The following ZNF33A variants were observed in gnomAD, a reference collection of about 807,000 sequenced individuals.
ZNF33A encodes zinc finger protein 33A.
A neutral mutation model predicts 15.9 loss-of-function variants in ZNF33A; 9 were observed. The ratio of observed to expected loss-of-function variants is 0.57; its 90% CI spans 0.34 to 0.99. The LOEUF (loss-of-function observed/expected upper bound fraction) is 0.99. Ranked by LOEUF, ZNF33A falls within the 50% of genes least tolerant of loss-of-function variation. The pLI, the probability that ZNF33A is intolerant of heterozygous loss-of-function variation, is 0.02. For missense variants in ZNF33A, 843 were observed against 941.6 expected (o/e 0.90, Z 1.37); for synonymous variants, 294 against 324.2 (o/e 0.91, Z 1.00).
Position 38,060,047 on chromosome 10 carries a change from A to G in ZNF33A, c.*3487A>G. On this transcript the variant is annotated 3_prime_UTR_variant, in exon 5 of 5. Coordinates refer to ENST00000432900, the MANE Select transcript of ZNF33A (RefSeq NM_006954.2). The stretch of plus-strand genomic sequence containing the variant: ...AGTGTATCAAGTAAATAAATAACCA[A>G]CCAACCAACCCTGAGGAACATCTTG... The G allele has an allele frequency of 1.3e-5, 13 of 985,348 alleles. No homozygotes were observed. Among genetic ancestry groups the G allele is most frequent in the Non-Finnish European group, 1.6e-5 (13 of 829,892 alleles). The allele number at this position is 985,348 out of a possible 1,614,324, so 61.0% of individuals were successfully genotyped here. A position where few individuals can be genotyped will look rare whatever the true frequency, so the allele number is the denominator to read the frequency against.
chr10:38,063,980 G>T, downstream of ZNF33A: 1 of 1,044,504 alleles, frequency 9.6e-7, no homozygotes, highest in Non-Finnish European at 1.4e-6. Flanking sequence ...GCAGGACAGT[G>T]CATTCTGTAG....
In ZNF33A at chr10:38,056,242, A is replaced by T. The variant is rs1452416443; in HGVS notation, c.2118A>T (p.Ser706=). 1.9e-5 allele frequency: 30 copies of T among 1,614,036 alleles called. No individual in the cohort carries two copies. The highest frequency in any genetic ancestry group is 2.5e-5 in the Non-Finnish European group (30 of 1,180,000). The change falls in exon 5 of 5, where the codon TCA becomes TCT. Residue 706 remains serine, a synonymous_variant. Transcript: ENST00000432900. ...NECGKFFRHK[S]SLTVHHRAHT... ...GTGGGAAATTCTTCAGGCACAAATC[A>T]TCACTCACAGTACATCACAGGGCTC...
At chr10:38,046,748 A>C (rs1488808395) in intron 4 of ZNF33A, among the ~76,000 whole-genome samples, 1 of 152,234 alleles carries the variant, frequency 6.6e-6, no homozygotes. Flanking sequence ...TGAAAATAGT[A>C]TTATAATTGG....
chr10:38,010,588 G>C (rs749716877), upstream of ZNF33A: 3 of 979,592 alleles, frequency 3.1e-6, no homozygotes, highest in South Asian at 1.3e-5. Context: ...CCGGCCTCAC[G>C]GGAAAGGTAG....
downstream of ZNF33A, chr10:38,064,008 A>G (rs1222222889): frequency 1.5e-6 from 2 of 1,341,398 alleles, no homozygotes; most frequent in Non-Finnish European, 2.1e-6. Flanking sequence ...GGAAGAAAAG[A>G]GGGCTTTCAG....
rs368288002 is a variant in ZNF33A at position 38,055,479 on chromosome 10, T to C, written c.1355T>C (p.Val452Ala). 5 of 1,612,692 alleles carry C rather than the reference T, an allele frequency of 3.1e-6. No individual in the cohort carries two copies. In the African/African-American group the frequency reaches 5.4e-5, roughly 17 times the overall value. ...ECYECGKSFRVTSHLKVHQRT... is the reference protein window; with the variant it reads ...ECYECGKSFRATSHLKVHQRT... ...TATGAATGTGGAAAATCCTTCCGTGTGACTTCGCACCTTAAAGTACACCAG... is the reference window on the plus strand; with the variant it reads ...TATGAATGTGGAAAATCCTTCCGTGCGACTTCGCACCTTAAAGTACACCAG... The change falls in exon 5 of 5, where the codon GTG (valine) becomes GCG (alanine). Residue 452 changes from valine to alanine, a missense_variant. Physicochemically the swap from Val to Ala is moderately conservative, Grantham distance 64 (BLOSUM62 0). Transcript: ENST00000432900.
Position 38,014,821 on chromosome 10 carries a change from T to C in ZNF33A, c.10-2050T>C, listed in dbSNP as rs138017121. Among the ~76,000 whole-genome samples the C allele has an allele frequency of 1.2e-4, 18 of 152,332 alleles. No individual in the cohort carries two copies. The East Asian group carries it at 3.5e-3, about 29-fold the overall frequency. The stretch of plus-strand genomic sequence containing the variant: ...TCCATACAAATATTGTTAGTATTAA[T>C]AAAATAACTTGCTGAGACTTTCTTT... On this transcript the variant is annotated intron_variant, in intron 2 of 4. Coordinates refer to ENST00000432900, the MANE Select transcript of ZNF33A (RefSeq NM_006954.2).
chr10:38,010,664 G>T (rs758255739), upstream of ZNF33A: 1 of 1,576,394 alleles, frequency 6.3e-7, no homozygotes, highest in South Asian at 1.1e-5. Flanking sequence ...TCGTCCGCCG[G>T]CTACGTCTGC....
At chr10:38,043,106 C>G (rs1409932707) in intron 4 of ZNF33A, among the ~76,000 whole-genome samples, 1 of 152,028 alleles carries the variant, frequency 6.6e-6, no homozygotes, top group Non-Finnish European at 1.5e-5. Flanking sequence ...GCAATGGATT[C>G]TCAAGTTTTT....
chr10:38,055,379 G>A lies in ZNF33A; in HGVS notation c.1255G>A (p.Gly419Arg), dbSNP rs755631459. 4.3e-6 allele frequency: 7 copies of A among 1,614,032 alleles called. No individual in the cohort carries two copies. The East Asian group carries it at 1.6e-4, about 36-fold the overall frequency. The change falls in exon 5 of 5, where the codon GGG (glycine) becomes AGG (arginine). Residue 419 changes from glycine (G) to arginine (R), a missense_variant. Transcript: ENST00000432900. ...GEKPYQCNAC[G>R]KTFCQKSDLT... is the part of the protein sequence containing the mutation. ...GAAACCCTATCAATGTAATGCGTGT[G>A]GGAAAACTTTTTGCCAGAAATCTGA...
chr10:38,032,404 T>C (rs949594523), intron 4 of ZNF33A, among the ~76,000 whole-genome samples: 1 of 151,938 alleles, frequency 6.6e-6, no homozygotes, highest in African/African-American at 2.4e-5. Context: ...AAATCAATCA[T>C]TGTTAGTGTA....
Position 38,058,135 on chromosome 10 carries a change from C to T in ZNF33A, c.*1575C>T. On this transcript the variant is annotated 3_prime_UTR_variant, in exon 5 of 5. Coordinates refer to ENST00000432900, the MANE Select transcript of ZNF33A (RefSeq NM_006954.2). ...AAGAGCAAATTAAATCCAAAGTAAC[C>T]TGAAAAAACATTAGAGTAAAAATCA... The T allele has an allele frequency of 1.2e-6, 1 of 821,682 alleles. No homozygotes were observed. Among genetic ancestry groups the T allele is most frequent in the Non-Finnish European group, 1.5e-6 (1 of 680,700 alleles). The allele number at this position is 821,682 out of a possible 1,614,324, so 50.9% of individuals were successfully genotyped here. A position where few individuals can be genotyped will look rare whatever the true frequency, so the allele number is the denominator to read the frequency against.
At chr10:38,026,806 T>C (rs1235850046) in intron 4 of ZNF33A, among the ~76,000 whole-genome samples, 2 of 152,190 alleles carry the variant, frequency 1.3e-5, no homozygotes, top group Non-Finnish European at 2.9e-5. Context: ...TTTTTGGTCA[T>C]TTGTCATCAT....
rs924832357 is a variant in ZNF33A at position 38,017,108 on chromosome 10, A to G, written c.154+93A>G. The G allele has an allele frequency of 4.6e-6, 7 of 1,518,004 alleles. No individual in the cohort carries two copies. In the Admixed American group the frequency reaches 1.3e-4, roughly 28 times the overall value. The allele number at this position is 1,518,004 out of a possible 1,614,324, so 94.0% of individuals were successfully genotyped here. On this transcript the variant is annotated intron_variant, in intron 3 of 4. Coordinates refer to ENST00000432900, the MANE Select transcript of ZNF33A (RefSeq NM_006954.2). ...CAGTCTGTATAGTTTAATGATATTT[A>G]AGGTTAGGCTTCAGGAGTCAGTGTT...
chr10:38,041,705 G>T (rs1177799776), intron 4 of ZNF33A, among the ~76,000 whole-genome samples: 2 of 152,144 alleles, frequency 1.3e-5, no homozygotes, highest in Non-Finnish European at 2.9e-5. Context: ...CTGGATTTGG[G>T]AAGCTCAACC....
chr10:38,041,903 G>A (rs1037837506), intron 4 of ZNF33A, among the ~76,000 whole-genome samples: 4 of 152,030 alleles, frequency 2.6e-5, no homozygotes, highest in African/African-American at 9.7e-5. Context: ...GAATGTGGAG[G>A]TTTGTTACAT....
intron 4 of ZNF33A, among the ~76,000 whole-genome samples, chr10:38,023,877 G>A (rs1487883586): frequency 6.6e-6 from 1 of 152,130 alleles, no homozygotes; most frequent in Non-Finnish European, 1.5e-5. Context: ...AAAAACCTCA[G>A]GCCAGGCGCA....
intron 4 of ZNF33A, among the ~76,000 whole-genome samples, chr10:38,043,522 G>C (rs2065808764): frequency 6.9e-6 from 1 of 145,540 alleles, no homozygotes; most frequent in African/African-American, 2.5e-5. Context: ...AAAAAAAATA[G>C]CTGTGTGACC....
chr10:38,037,334 C>T (rs1485063006), intron 4 of ZNF33A, among the ~76,000 whole-genome samples: 1 of 147,798 alleles, frequency 6.8e-6, no homozygotes, highest in African/African-American at 2.5e-5. Flanking sequence ...TTTCTTTTTT[C>T]TTTTTTTTTT....
Sources: allele counts gnomAD v4.1 joint callset (sites outside exome capture counted in the v4.1 genomes callset), GRCh38; gene constraint gnomAD v4.1.1; transcripts MANE v1.5; gene names NCBI Gene and HGNC (gene_info 2026-07-23, HGNC 2026-07-21).